PARP8: variants seen among roughly 807,000 people sequenced by gnomAD.
PARP8 encodes poly(ADP-ribose) polymerase family member 8.
A neutral mutation model predicts 124.1 loss-of-function variants in PARP8; 51 were observed. The ratio of observed to expected loss-of-function variants is 0.41; its 90% CI spans 0.33 to 0.52. PARP8 has a LOEUF of 0.52. PARP8 is among the 20% of genes least tolerant of loss of function. The pLI is 0.21. For synonymous variants in PARP8, 391 were observed against 361.5 expected (o/e 1.08, Z -0.93); for missense variants, 860 against 1,018.9 (o/e 0.84, Z 2.12).
At chr5:50,743,174 GCA>G (rs1302407679) in intron 2 of PARP8, among the ~76,000 whole-genome samples, 8 of 152,086 alleles carry the variant, frequency 5.3e-5, no homozygotes, top group Non-Finnish European at 1.2e-4. Context: ...GGAACTACGT[GCA>G]GCTTAACGTT....
At chr5:50,677,613 TA>T (rs1750783715) in intron 2 of PARP8, among the ~76,000 whole-genome samples, 1 of 152,304 alleles carries the variant, frequency 6.6e-6, no homozygotes. Context: ...ATTTTAAACT[TA>T]TTTTTTTTGT....
In PARP8 at chr5:50,755,525, G is replaced by T. The variant is rs1222939596; in HGVS notation, c.185-4118G>T. Among the ~76,000 whole-genome samples the T allele has an allele frequency of 5.9e-5, 9 of 152,218 alleles. No individual in the cohort carries two copies. In the East Asian group the frequency reaches 1.7e-3, roughly 29 times the overall value. Reference sequence around the variant, plus strand: ...GTATTATTTCTGAGGGCTCTGTATTGTTCCATTGGTCTATATCTCTGTTTT... The same window carrying T: ...GTATTATTTCTGAGGGCTCTGTATTTTTCCATTGGTCTATATCTCTGTTTT... On this transcript the variant is annotated intron_variant, in intron 3 of 25. Coordinates refer to ENST00000281631, the MANE Select transcript of PARP8 (RefSeq NM_024615.4).
chr5:50,806,386 C>A (rs1743845895), intron 14 of PARP8, among the ~76,000 whole-genome samples: 1 of 151,892 alleles, frequency 6.6e-6, no homozygotes, highest in Admixed American at 6.6e-5. Flanking sequence ...GTGGGCAATT[C>A]ATTCCTATAG....
chr5:50,823,140 G>A (rs761502936), intron 17 of PARP8, among the ~76,000 whole-genome samples: 30 of 152,222 alleles, frequency 2.0e-4, no homozygotes, highest in Non-Finnish European at 3.7e-4. Context: ...GACCCTTGCA[G>A]GCTTATAATG....
At chr5:50,722,285 A>C (rs1300556351) in intron 2 of PARP8, among the ~76,000 whole-genome samples, 1 of 152,124 alleles carries the variant, frequency 6.6e-6, no homozygotes, top group Non-Finnish European at 1.5e-5. Flanking sequence ...GTAAATATTA[A>C]GGCATTTTAT....
At chr5:50,807,532 G>A (rs1301050065) in intron 14 of PARP8, among the ~76,000 whole-genome samples, 1 of 152,038 alleles carries the variant, frequency 6.6e-6, no homozygotes, top group Non-Finnish European at 1.5e-5. Flanking sequence ...TTTAAATGTA[G>A]TTTGTGTCTT....
At chr5:50,742,857 G>T (rs1265410064) in intron 2 of PARP8, among the ~76,000 whole-genome samples, 2 of 152,132 alleles carry the variant, frequency 1.3e-5, no homozygotes, top group African/African-American at 4.8e-5. Context: ...TAGTCTGCAG[G>T]GGCAAGGTAG....
chr5:50,749,505 A>G (rs1758988686), intron 2 of PARP8, among the ~76,000 whole-genome samples: 1 of 152,150 alleles, frequency 6.6e-6, no homozygotes, highest in South Asian at 2.1e-4. Context: ...AGGTAAGTAC[A>G]TAGAGGCAGC....
chr5:50,815,501 G>C lies in PARP8; in HGVS notation c.1645G>C (p.Asp549His). 6.3e-7 allele frequency: 1 copy of C among 1,596,420 alleles called. No homozygotes were observed. The highest frequency in any genetic ancestry group is 8.5e-7 in the Non-Finnish European group (1 of 1,172,240). ...QTLGVMNEAADEIATGAQVVD... is the reference protein window; with the variant it reads ...QTLGVMNEAAHEIATGAQVVD... ...CCTGGGAGTAATGAATGAAGCTGCT[G>C]ATGAAATAGCAACTGGAGCTCAGGT... The change falls in exon 15 of 26, where the codon GAT becomes CAT. Residue 549 changes from aspartate to histidine, a missense_variant. Asp to His is a moderately conservative substitution (Grantham distance 81, BLOSUM62 -1). Around this residue, in one of 2 missense-constraint regions of PARP8, gnomAD observed 343 missense variants for 474.7 expected, o/e 0.72. Coordinates refer to ENST00000281631, the MANE Select transcript of PARP8 (RefSeq NM_024615.4).
At chr5:50,682,519 C>A (rs1425346153) in intron 2 of PARP8, among the ~76,000 whole-genome samples, 1 of 151,868 alleles carries the variant, frequency 6.6e-6, no homozygotes, top group Non-Finnish European at 1.5e-5. Context: ...CTTGTTACTG[C>A]AGAAATGTAG....
intron 9 of PARP8, among the ~76,000 whole-genome samples, chr5:50,786,524 C>T (rs1741264501): frequency 6.6e-6 from 1 of 151,096 alleles, no homozygotes; most frequent in African/African-American, 2.5e-5. Flanking sequence ...GCCACCATGC[C>T]TGGCTAATTT....
intron 2 of PARP8, among the ~76,000 whole-genome samples, chr5:50,699,816 A>G (rs993486869): frequency 1.3e-5 from 2 of 152,144 alleles, no homozygotes; most frequent in African/African-American, 4.8e-5. Flanking sequence ...ACTATGGACC[A>G]TATTTTGAGT....
intron 6 of PARP8, 93 bp downstream of exon 6, chr5:50,761,991 G>A (rs1481660406): frequency 8.5e-6 from 6 of 703,836 alleles, no homozygotes; most frequent in Non-Finnish European, 1.4e-5. Flanking sequence ...TAAGGGACCT[G>A]TGTGTTGTTC....
At position 50,772,203 on chromosome 5, in the gene PARP8, G is replaced by A. The variant is rs140179919; in HGVS notation, c.519-5866G>A. On this transcript the variant is annotated intron_variant, in intron 7 of 25. Coordinates refer to ENST00000281631, the MANE Select transcript of PARP8 (RefSeq NM_024615.4). Reference sequence around the variant, plus strand: ...ATTTCCTTCATTTTTTTATGGCAGAGCAGTATTTTATTGTGTGTATGTACC... The same window carrying A: ...ATTTCCTTCATTTTTTTATGGCAGAACAGTATTTTATTGTGTGTATGTACC... Among the ~76,000 whole-genome samples the A allele has an allele frequency of 3.7e-3, 567 of 152,270 alleles. 4 individuals are homozygous for A. The highest frequency in any genetic ancestry group is 0.029 in the South Asian group (140 of 4,832).
chr5:50,768,011 A>ATGTGTG (rs371344583), intron 7 of PARP8, among the ~76,000 whole-genome samples: 13 of 149,946 alleles, frequency 8.7e-5, no homozygotes, highest in Admixed American at 3.3e-4. Context: ...ATATACATAT[A>ATGTGTG]TGTGTGTGTG....
At chr5:50,711,116 A>T (rs1362660013) in intron 2 of PARP8, among the ~76,000 whole-genome samples, 1 of 152,098 alleles carries the variant, frequency 6.6e-6, no homozygotes, top group African/African-American at 2.4e-5. Context: ...CCTCTGATAA[A>T]CACAATTATG....
chr5:50,798,996 A>G (rs1203107177), intron 14 of PARP8, among the ~76,000 whole-genome samples: 1 of 152,060 alleles, frequency 6.6e-6, no homozygotes. Flanking sequence ...TATGATTTGC[A>G]ATTATTTTCT....
chr5:50,833,948 ACT>A (rs1482545829), intron 23 of PARP8, 29 bp from the exon 24 acceptor site: 1 of 1,579,332 alleles, frequency 6.3e-7, no homozygotes, highest in Non-Finnish European at 8.7e-7. Context: ...TTTCATTCTG[ACT>A]CTAAGTTTTA....
chr5:50,668,087 C>T lies in PARP8; in HGVS notation c.108C>T (p.Asp36=). The T allele has an allele frequency of 6.2e-7, 1 of 1,612,050 alleles. No individual in the cohort carries two copies. The highest frequency in any genetic ancestry group is 8.5e-7 in the Non-Finnish European group (1 of 1,179,930). The change falls in exon 2 of 26, where the codon GAC becomes GAT. Residue 36 remains aspartate, a synonymous_variant. Coordinates refer to ENST00000281631, the MANE Select transcript of PARP8 (RefSeq NM_024615.4). ...CTGTTTCAGATTTCAGATACTCTGA[C>T]TCCACCTTTACTTTTACCTACGTTG... ...DCLFADFRYS[D]STFTFTYVGG...
Sources: allele counts gnomAD v4.1 joint callset (sites outside exome capture counted in the v4.1 genomes callset), GRCh38; gene constraint gnomAD v4.1.1; regional missense constraint gnomAD v4.1.1; transcripts MANE v1.5; gene names NCBI Gene and HGNC (gene_info 2026-07-23, HGNC 2026-07-21).